CSMD2: variants seen among roughly 807,000 people sequenced by gnomAD.
The protein encoded by CSMD2 is CUB and Sushi multiple domains 2.
Under a neutral mutation model 398.5 loss-of-function variants are expected in CSMD2, and 130 were observed. The observed-to-expected ratio is 0.33, with a 90% confidence interval of 0.28 to 0.38. CSMD2 has a LOEUF of 0.38. CSMD2 is among the 10% of genes least tolerant of loss of function. The pLI is 1.00. For synonymous variants in CSMD2, 1,828 were observed against 1,908.5 expected, an observed-to-expected ratio of 0.96 and a Z score of 1.10; for missense variants, 3,829 against 4,764.9, an observed-to-expected ratio of 0.80 and a Z score of 5.78.
chr1:34,149,510 C>T (rs777117540), intron 1 of CSMD2, among the ~76,000 whole-genome samples: 9 of 152,144 alleles, frequency 5.9e-5, no homozygotes, highest in South Asian at 2.1e-4. Flanking sequence ...AATTAGTACA[C>T]GGAAGAAGTT....
At chr1:33,547,924 C>T (rs973004355) in intron 56 of CSMD2, among the ~76,000 whole-genome samples, 5 of 152,160 alleles carry the variant, frequency 3.3e-5, no homozygotes, top group Non-Finnish European at 5.9e-5. Context: ...ATTGTAATCC[C>T]CAGGTTGGGG....
At chr1:33,949,670 G>A (rs1161092197) in intron 3 of CSMD2, among the ~76,000 whole-genome samples, 1 of 152,204 alleles carries the variant, frequency 6.6e-6, no homozygotes, top group Non-Finnish European at 1.5e-5. Context: ...ATTTGGAGAA[G>A]TTTCCTGGAA....
chr1:34,013,877 T>A (rs75030129), intron 3 of CSMD2, among the ~76,000 whole-genome samples: 1 of 152,060 alleles, frequency 6.6e-6, no homozygotes, highest in Admixed American at 6.5e-5. Context: ...GTTCTCTCCA[T>A]CCAGCTGCCT....
At chr1:33,756,217 T>C (rs2149287102) in intron 13 of CSMD2, among the ~76,000 whole-genome samples, 1 of 152,314 alleles carries the variant, frequency 6.6e-6, no homozygotes, top group South Asian at 2.1e-4. Context: ...ACGTAACTCC[T>C]AAGTGTATGC....
intron 55 of CSMD2, among the ~76,000 whole-genome samples, chr1:33,555,431 T>G (rs1238064447): frequency 6.6e-6 from 1 of 152,232 alleles, no homozygotes; most frequent in East Asian, 1.9e-4. Flanking sequence ...GATTTAGAAC[T>G]TCACATGAAG....
At chr1:33,542,427 T>C (rs561846863) in intron 58 of CSMD2, among the ~76,000 whole-genome samples, 1 of 152,366 alleles carries the variant, frequency 6.6e-6, no homozygotes, top group Non-Finnish European at 1.5e-5. Context: ...ATATATTCTC[T>C]GCCTCTCTGA....
chr1:33,809,274 A>G (rs1656582589), intron 10 of CSMD2, among the ~76,000 whole-genome samples: 1 of 55,336 alleles, frequency 1.8e-5, no homozygotes, highest in African/African-American at 1.6e-4. Context: ...GAAACAAATT[A>G]CTAAACAATA....
rs529128430 is a variant in CSMD2 at position 33,626,519 on chromosome 1, C to T, written c.5263G>A (p.Ala1755Thr). 12 of 1,608,748 alleles carry T rather than the reference C, an allele frequency of 7.5e-6. No individual in the cohort carries two copies. The highest frequency in any genetic ancestry group is 3.3e-4 in the Middle Eastern group (2 of 6,058). ...ACAAAGTGGAAGCCTCTGGCTGGTG[C>T]GAGGCCTTTGGCGCTGAACTTAATG... ...VLIKFSAKGL[A>T]PARGFHFVYQ... The change falls in exon 33 of 71, where the codon GCA becomes ACA. Residue 1755 changes from alanine to threonine, a missense_variant. This residue lies in a region of CSMD2 where 2,001 missense variants were observed against 2,567.1 expected (regional missense o/e 0.78). Transcript: ENST00000373381.
Position 33,772,587 on chromosome 1 carries a change from T to G in CSMD2, c.1828A>C (p.Lys610Gln). ...TCQKNNQWSA[K>Q]KPGCVFSCFF... is the part of the protein sequence containing the mutation. Reference sequence around the variant, plus strand: ...CACTTACACACGCAGCCTGGCTTCTTAGCCGACCATTGGTTATTCTTTTGG... The same window carrying G: ...CACTTACACACGCAGCCTGGCTTCTGAGCCGACCATTGGTTATTCTTTTGG... Residue 610 changes from lysine (K) to glutamine (Q), a missense_variant, in exon 13 of 71, where the codon AAG (lysine) becomes CAG (glutamine). Coordinates refer to ENST00000373381, the MANE Select transcript of CSMD2 (RefSeq NM_001281956.2). 1.2e-6 allele frequency: 2 copies of G among 1,613,714 alleles called. No homozygotes were observed. Among genetic ancestry groups the G allele is most frequent in the Non-Finnish European group, 1.7e-6 (2 of 1,179,730 alleles).
At chr1:33,819,632 C>A in intron 9 of CSMD2, 81 bp downstream of exon 9, 1 of 1,354,052 alleles carries the variant, frequency 7.4e-7, no homozygotes, top group South Asian at 1.3e-5. Flanking sequence ...GAGCCTGGGC[C>A]TCAGGTGCTG....
At chr1:33,824,656 T>C (rs1408820321) in intron 7 of CSMD2, among the ~76,000 whole-genome samples, 2 of 149,836 alleles carry the variant, frequency 1.3e-5, no homozygotes, top group African/African-American at 4.9e-5. Flanking sequence ...AGTGAGCACA[T>C]GGAGGTGAGA....
intron 26 of CSMD2, among the ~76,000 whole-genome samples, chr1:33,660,182 A>G (rs1644086444): frequency 6.6e-6 from 1 of 152,250 alleles, no homozygotes; most frequent in South Asian, 2.1e-4. Context: ...TTGTATGAGA[A>G]GCCTCGGAGC....
chr1:33,810,263 G>A (rs916062159), intron 10 of CSMD2, among the ~76,000 whole-genome samples: 2 of 152,164 alleles, frequency 1.3e-5, no homozygotes, highest in Non-Finnish European at 2.9e-5. Context: ...CAATAACTTA[G>A]ATAAATCTTA....
rs1198675375 is a variant in CSMD2 at position 33,519,173 on chromosome 1, C to G, written c.*53+292G>C. On this transcript the variant is annotated intron_variant, in intron 70 of 70. Coordinates refer to ENST00000373381, the MANE Select transcript of CSMD2 (RefSeq NM_001281956.2). The surrounding 1 kb of genome is among the most constrained non-coding windows in gnomAD (Gnocchi z 5.6). Reference sequence around the variant, plus strand: ...AGCCTGGGATTGGATTTCGACCCCACCCCTTCTGAGCTGTGTGACCTTGCT... The same window carrying G: ...AGCCTGGGATTGGATTTCGACCCCAGCCCTTCTGAGCTGTGTGACCTTGCT... Among the ~76,000 whole-genome samples, 1 of 152,164 alleles carries G rather than the reference C, an allele frequency of 6.6e-6. No individual in the cohort carries two copies. The highest frequency in any genetic ancestry group is 1.5e-5 in the Non-Finnish European group (1 of 68,028).
In CSMD2 at chr1:33,556,613, C is replaced by T. The variant is rs540340239; in HGVS notation, c.8743+1121G>A. ...CAAGGGGTTGCTCTTCTCTTAAGGA[C>T]GTGTAAGGCCAGGGACCAGATGTCA... is the stretch of plus-strand genomic sequence containing the variant. On this transcript the variant is annotated intron_variant, in intron 55 of 70. Transcript: ENST00000373381. Among the ~76,000 whole-genome samples, 11 of 152,206 alleles carry T rather than the reference C, an allele frequency of 7.2e-5. No homozygotes were observed. The South Asian group carries it at 1.9e-3, about 26-fold the overall frequency.
chr1:34,031,275 AT>A (rs1354276863), intron 3 of CSMD2, among the ~76,000 whole-genome samples: 2 of 151,868 alleles, frequency 1.3e-5, no homozygotes, highest in Admixed American at 6.6e-5. Context: ...GTTGCCCAGG[AT>A]GGTCTCAAAC....
In CSMD2 at chr1:34,021,920, A is replaced by T. The variant is rs374591875; in HGVS notation, c.517+10674T>A. Among the ~76,000 whole-genome samples the T allele has an allele frequency of 7.9e-5, 12 of 152,330 alleles. No individual in the cohort carries two copies. In the South Asian group the frequency reaches 2.5e-3, roughly 32 times the overall value. On this transcript the variant is annotated intron_variant, in intron 3 of 70. Transcript: ENST00000373381. The stretch of plus-strand genomic sequence containing the variant: ...GCTTTTCCATATTTTAATATCTCTG[A>T]AATTAGGATGTGTCTTATAGTCAAT...
intron 6 of CSMD2, among the ~76,000 whole-genome samples, chr1:33,843,499 T>C (rs1308013753): frequency 6.6e-6 from 1 of 152,226 alleles, no homozygotes; most frequent in African/African-American, 2.4e-5. Flanking sequence ...CTTAAGACTA[T>C]AGTGCCACAA....
chr1:33,569,484 TAGAC>T lies in CSMD2; in HGVS notation c.8017_8020del (p.Val2673ThrfsTer98). 2 of 1,614,098 alleles carry T rather than the reference TAGAC, an allele frequency of 1.2e-6. No individual in the cohort carries two copies. The highest frequency in any genetic ancestry group is 8.5e-7 in the Non-Finnish European group (1 of 1,180,014). ...GCAGGAGAAGATGGCTGTTGCCCCG[TAGAC>T]AGACAGTGTTCCGATGCGGTGGCCA... is the stretch of plus-strand genomic sequence containing the variant. On this transcript the variant is annotated frameshift_variant, in exon 52 of 71. Coordinates refer to ENST00000373381, the MANE Select transcript of CSMD2 (RefSeq NM_001281956.2). LOFTEE classifies it high-confidence loss of function.
Sources: allele counts gnomAD v4.1 joint callset (sites outside exome capture counted in the v4.1 genomes callset), GRCh38; gene constraint gnomAD v4.1.1; regional missense constraint gnomAD v4.1.1; non-coding constraint Gnocchi (gnomAD v3.1); transcripts MANE v1.5; gene names NCBI Gene and HGNC (gene_info 2026-07-23, HGNC 2026-07-21).